The following PRR5L variants were observed in gnomAD, a reference collection of about 807,000 sequenced individuals.
The protein encoded by PRR5L is proline-rich protein 5-like.
PRR5L carries 21 observed loss-of-function variants against 36.4 expected under a neutral mutation model. The ratio of observed to expected loss-of-function variants is 0.58; its 90% CI spans 0.41 to 0.83. The LOEUF (loss-of-function observed/expected upper bound fraction) is 0.83, where lower values mean the gene tolerates loss of function less well. Among genes scored for constraint, PRR5L ranks in the 40% least tolerant of loss-of-function variants. The pLI, the probability that PRR5L is intolerant of heterozygous loss-of-function variation, is 0.00. For synonymous variants in PRR5L, 188 were observed against 197.0 expected (o/e 0.95, Z 0.38); for missense variants, 381 against 473.3 (o/e 0.80, Z 1.81).
intron 8 of PRR5L, among the ~76,000 whole-genome samples, chr11:36,459,262 C>T (rs916309438): frequency 2.8e-4 from 43 of 152,318 alleles, no homozygotes; most frequent in African/African-American, 1.0e-3. Flanking sequence ...AGTTGGGGGA[C>T]TTCTCTGGGA....
At chr11:36,390,826 C>T (rs1857549800) in intron 1 of PRR5L, among the ~76,000 whole-genome samples, 1 of 152,186 alleles carries the variant, frequency 6.6e-6, no homozygotes, top group Admixed American at 6.5e-5. Flanking sequence ...AAGTGCCCGC[C>T]TCACAGTTGG....
At chr11:36,371,085 A>T (rs550395978) in intron 1 of PRR5L, among the ~76,000 whole-genome samples, 2 of 152,286 alleles carry the variant, frequency 1.3e-5, no homozygotes, top group South Asian at 4.1e-4. Flanking sequence ...AAAGACAGAA[A>T]CGATGATAAA....
intron 4 of PRR5L, among the ~76,000 whole-genome samples, chr11:36,425,108 C>A (rs530781881): frequency 1.1e-3 from 169 of 152,308 alleles, no homozygotes; most frequent in African/African-American, 3.6e-3. Flanking sequence ...AGGTGTGAGC[C>A]ACCGCCCCCA....
intron 8 of PRR5L, among the ~76,000 whole-genome samples, chr11:36,461,779 C>T (rs1224540533): frequency 6.6e-6 from 1 of 152,182 alleles, no homozygotes; most frequent in Non-Finnish European, 1.5e-5. Context: ...GTCTGAGACC[C>T]TTCACCTGGC....
At chr11:36,302,876 A>T (rs1391712148) in intron 1 of PRR5L, among the ~76,000 whole-genome samples, 3 of 152,250 alleles carry the variant, frequency 2.0e-5, no homozygotes, top group Non-Finnish European at 4.4e-5. Context: ...TAAGCACTTC[A>T]TCTATATGAG....
intron 1 of PRR5L, among the ~76,000 whole-genome samples, chr11:36,370,072 A>C (rs1193172664): frequency 1.3e-5 from 2 of 151,814 alleles, no homozygotes; most frequent in African/African-American, 2.4e-5. Flanking sequence ...ACTGTGACCA[A>C]CTCCTTACCA....
At chr11:36,299,928 G>T (rs1023985594) in intron 1 of PRR5L, among the ~76,000 whole-genome samples, 1 of 152,146 alleles carries the variant, frequency 6.6e-6, no homozygotes, top group Non-Finnish European at 1.5e-5. Flanking sequence ...TGCACCACTT[G>T]TGATGCAGGG....
intron 1 of PRR5L, among the ~76,000 whole-genome samples, chr11:36,307,697 G>A (rs550905189): frequency 6.6e-5 from 10 of 152,292 alleles, no homozygotes; most frequent in South Asian, 2.1e-4. Flanking sequence ...ACAAATGTTC[G>A]CAGTGATTTC....
chr11:36,362,662 TC>T (rs1227678131), intron 1 of PRR5L, among the ~76,000 whole-genome samples: 1 of 152,232 alleles, frequency 6.6e-6, no homozygotes. Context: ...TCTCCACCCA[TC>T]TTTCCTTTCT....
chr11:36,317,109 A>G (rs931037506), intron 1 of PRR5L, among the ~76,000 whole-genome samples: 1 of 152,226 alleles, frequency 6.6e-6, no homozygotes, highest in Non-Finnish European at 1.5e-5. Context: ...AAAGGCTAGC[A>G]TCTGGGTTGA....
At position 36,411,484 on chromosome 11, in the gene PRR5L, T is replaced by G. The variant is rs1206927682; in HGVS notation, c.246-7771T>G. 2.0e-5 allele frequency among the ~76,000 whole-genome samples: 3 copies of G among 152,150 alleles called. 1 individual carries two copies. In the South Asian group the frequency reaches 6.2e-4, roughly 32 times the overall value. On this transcript the variant is annotated intron_variant, in intron 3 of 8. Coordinates refer to ENST00000530639, the MANE Select transcript of PRR5L (RefSeq NM_001160167.2). ...CATTTTTTCCCCCTGTTATGGCTCC[T>G]TTTGGCTTCTGGCTGAACTTCACGC...
At chr11:36,437,546 G>A in intron 6 of PRR5L, 70 bp downstream of exon 6, 1 of 909,902 alleles carries the variant, frequency 1.1e-6, no homozygotes, top group Admixed American at 2.4e-5. Flanking sequence ...CTTGCGGCCT[G>A]AGGGCTCCTG....
intron 1 of PRR5L, among the ~76,000 whole-genome samples, chr11:36,387,615 T>A (rs565861850): frequency 1.3e-5 from 2 of 152,270 alleles, no homozygotes; most frequent in Non-Finnish European, 2.9e-5. Flanking sequence ...AGGGGCTGAA[T>A]GCACAGCCAG....
chr11:36,339,722 C>G (rs1342294615), intron 1 of PRR5L, among the ~76,000 whole-genome samples: 2 of 152,166 alleles, frequency 1.3e-5, no homozygotes, highest in East Asian at 3.9e-4. Context: ...GGCTCTTAGT[C>G]ACTATGGTAA....
chr11:36,438,660 A>T (rs1486876154), intron 6 of PRR5L, among the ~76,000 whole-genome samples: 1 of 152,152 alleles, frequency 6.6e-6, no homozygotes, highest in African/African-American at 2.4e-5. Flanking sequence ...CAGATGAAGC[A>T]AATAAAAATA....
chr11:36,463,599 T>C lies in PRR5L; in HGVS notation c.*863T>C, dbSNP rs1590620223. 6.6e-6 allele frequency: 1 copy of C among 152,536 alleles called. No homozygotes were observed. The allele number at this position is 152,536 out of a possible 1,614,324, so 9.4% of individuals were successfully genotyped here. A position where few individuals can be genotyped will look rare whatever the true frequency, so the allele number is the denominator to read the frequency against. ...GCTGATACCAACCAACTGGCCTGTA[T>C]CTATCTATCTGGATTTGACTTGAAT... is the stretch of plus-strand genomic sequence containing the variant. On this transcript the variant is annotated 3_prime_UTR_variant, in exon 9 of 9. Transcript: ENST00000530639.
intron 7 of PRR5L, among the ~76,000 whole-genome samples, chr11:36,450,056 C>G (rs546036087): frequency 6.6e-6 from 1 of 152,070 alleles, no homozygotes. Flanking sequence ...AAGCTGTGTC[C>G]TCTCTCCCCC....
intron 5 of PRR5L, among the ~76,000 whole-genome samples, chr11:36,432,586 G>A (rs1858523566): frequency 6.6e-6 from 1 of 152,114 alleles, no homozygotes; most frequent in Non-Finnish European, 1.5e-5. Flanking sequence ...GTGACTTTTG[G>A]TTAGTTACTA....
chr11:36,429,102 G>A (rs1415966002), intron 4 of PRR5L, among the ~76,000 whole-genome samples: 2 of 152,066 alleles, frequency 1.3e-5, no homozygotes, highest in African/African-American at 4.8e-5. Flanking sequence ...ACCTAGAAAG[G>A]AGAAGAAAGG....
Sources: gnomAD v4.1 joint callset for allele counts (sites outside exome capture counted in the v4.1 genomes callset) on GRCh38, gnomAD v4.1.1 for gene constraint, MANE v1.5 for transcripts, NCBI Gene and HGNC (gene_info 2026-07-23, HGNC 2026-07-21) for gene names.